Variants in PDZD8 observed in about 807,000 individuals in gnomAD.
PDZD8 encodes PDZ domain-containing protein 8.
PDZD8 carries 14 observed loss-of-function variants against 85.8 expected under a neutral mutation model. The observed-to-expected ratio is 0.16, with a 90% CI of 0.11 to 0.26. The LOEUF (loss-of-function observed/expected upper bound fraction) is 0.26. PDZD8 is among the 10% of genes least tolerant of loss of function. PDZD8 has a pLI of 1.00. For synonymous variants in PDZD8, 592 were observed against 568.6 expected (o/e 1.04, Z -0.59); for missense variants, 1,197 against 1,424.3 (o/e 0.84, Z 2.57).
rs540262539 is a variant in PDZD8, at chr10:117,285,207, T to C, written c.1526A>G (p.Asn509Ser). The C allele has an allele frequency of 5.3e-5, 85 of 1,614,234 alleles. No individual in the cohort carries two copies. In the South Asian group the frequency reaches 7.9e-4, roughly 15 times the overall value. Reference protein sequence around the residue: ...EDLASDVRAQNEFKDEAQSLS... With the variant: ...EDLASDVRAQSEFKDEAQSLS... ...TGATTGTGCCTCATCTTTGAACTCA[T>C]TTTGTGCTCTGACATCACTTGCCAA... Residue 509 changes from asparagine (N) to serine (S), a missense_variant, in exon 5 of 5, where the codon AAT (asparagine) becomes AGT (serine). Asn to Ser is a conservative substitution (Grantham distance 46). Transcript: ENST00000334464.
chr10:117,304,273 C>T (rs778516904), intron 3 of PDZD8, among the ~76,000 whole-genome samples: 6 of 152,138 alleles, frequency 3.9e-5, no homozygotes, highest in Admixed American at 1.3e-4. Flanking sequence ...TTCTGGATTT[C>T]GGACTTGTAT....
intron 2 of PDZD8, 22 bp downstream of exon 2, chr10:117,340,958 A>G (rs759514209): frequency 1.4e-5 from 22 of 1,613,224 alleles, no homozygotes; most frequent in Non-Finnish European, 1.8e-5. Flanking sequence ...GTAACTTAGT[A>G]ATGACAAAAC....
intron 2 of PDZD8, among the ~76,000 whole-genome samples, chr10:117,326,379 G>A (rs1212121953): frequency 6.6e-6 from 1 of 152,212 alleles, no homozygotes; most frequent in African/African-American, 2.4e-5. Flanking sequence ...TTAAAACAGT[G>A]AACCAGGACA....
chr10:117,364,483 A>G (rs1589595488), intron 1 of PDZD8, among the ~76,000 whole-genome samples: 1 of 152,046 alleles, frequency 6.6e-6, no homozygotes, highest in South Asian at 2.1e-4. Flanking sequence ...ACACACGCAC[A>G]CACACACACG....
chr10:117,372,577 T>C (rs923010172), intron 1 of PDZD8, among the ~76,000 whole-genome samples: 4 of 152,248 alleles, frequency 2.6e-5, no homozygotes, highest in Non-Finnish European at 5.9e-5. Context: ...ATGACTTTTT[T>C]GGCAACACAC....
Position 117,333,125 on chromosome 10 carries a change from A to AACAAAAAAC in PDZD8, c.995+7854_995+7855insGTTTTTTGT, listed in dbSNP as rs1300095435. Reference sequence around the variant, plus strand: ...CAGAGTGGACTCTGTCTCAAAAAAAAAAAAAAAAAAAAAAAAAAGGGGATA... The same window carrying AACAAAAAAC: ...CAGAGTGGACTCTGTCTCAAAAAAAAACAAAAAACAAAAAAAAAAAAAAAAAAGGGGATA... On this transcript the variant is annotated intron_variant, in intron 2 of 4. Coordinates refer to ENST00000334464, the MANE Select transcript of PDZD8 (RefSeq NM_173791.5). 2.9e-4 allele frequency among the ~76,000 whole-genome samples: 42 copies of AACAAAAAAC among 144,822 alleles called. 1 individual carries two copies. The highest frequency in any genetic ancestry group is 5.3e-4 in the Non-Finnish European group (35 of 66,158).
In PDZD8 at chr10:117,290,287, G is replaced by A; in HGVS notation, c.1160C>T (p.Thr387Ile). The change falls in exon 4 of 5, where the codon ACT becomes ATT. Residue 387 changes from threonine (T) to isoleucine (I), a missense_variant. Thr to Ile is a moderately conservative substitution (Grantham distance 89). Coordinates refer to ENST00000334464, the MANE Select transcript of PDZD8 (RefSeq NM_173791.5). ...VGLTLRLVQS[T>I]DGYAGHVIIE... ...GATGACGTGCCCAGCATACCCATCA[G>A]TTGACTGGACAAGACGAAGTGTAAG... is the stretch of plus-strand genomic sequence containing the variant. 2 of 1,613,750 alleles carry A rather than the reference G, an allele frequency of 1.2e-6. No homozygotes were observed. The highest frequency in any genetic ancestry group is 1.7e-6 in the Non-Finnish European group (2 of 1,179,714).
chr10:117,338,522 G>A (rs1261560471), intron 2 of PDZD8, among the ~76,000 whole-genome samples: 1 of 152,138 alleles, frequency 6.6e-6, no homozygotes, highest in African/African-American at 2.4e-5. Flanking sequence ...TTGACCAGGT[G>A]ATAAATAAAA....
rs1270756834 is a variant in PDZD8 at position 117,325,238 on chromosome 10, A to C, written c.996-6264T>G. 3.3e-5 allele frequency among the ~76,000 whole-genome samples: 5 copies of C among 151,948 alleles called. No homozygotes were observed. In the East Asian group the frequency reaches 9.7e-4, roughly 29 times the overall value. On this transcript the variant is annotated intron_variant, in intron 2 of 4. Transcript: ENST00000334464. ...TGTCACTTCCTGACAGGCCCAGGAA[A>C]CTCAGGATATTTTTGGGACCTCAGA...
chr10:117,295,164 C>T (rs575915094), intron 3 of PDZD8, among the ~76,000 whole-genome samples: 11 of 151,986 alleles, frequency 7.2e-5, no homozygotes, highest in African/African-American at 2.4e-4. Context: ...AAAAAACCCA[C>T]CACCACCAAC....
rs760857964 is a variant in PDZD8, at chr10:117,283,523, T to C, written c.3210A>G (p.Lys1070=). 4 of 1,614,228 alleles carry C rather than the reference T, an allele frequency of 2.5e-6. No individual in the cohort carries two copies. The highest frequency in any genetic ancestry group is 2.2e-5 in the East Asian group (1 of 44,894). The change falls in exon 5 of 5, where the codon AAA becomes AAG. Residue 1070 remains lysine (K), a synonymous_variant. Transcript: ENST00000334464. The part of the protein sequence containing the change: ...EEKETTDTRK[K]SLLSAALAKS... ...TAGCTAAGGCAGCAGAAAGAAGTGA[T>C]TTTTTCCTTGTATCAGTTGTCTCTT...
At position 117,283,321 on chromosome 10, in the gene PDZD8, G is replaced by A; in HGVS notation, c.3412C>T (p.Gln1138Ter). 6.2e-7 allele frequency: 1 copy of A among 1,613,972 alleles called. No homozygotes were observed. Among genetic ancestry groups the A allele is most frequent in the Non-Finnish European group, 8.5e-7 (1 of 1,179,972 alleles). ...DNEISQLIDS[Q>*]PFSSISDDLF... is the part of the protein sequence containing the mutation. The stretch of plus-strand genomic sequence containing the variant: ...TCATCTGATATGCTGCTGAATGGCT[G>A]AGAGTCTATTAGTTGGCTTATTTCA... Residue 1138 changes from glutamine to a stop codon, truncating the protein, a stop_gained, in exon 5 of 5, where the codon CAG (glutamine) becomes TAG (stop). Transcript: ENST00000334464. LOFTEE classifies it high-confidence loss of function.
Position 117,284,391 on chromosome 10 carries a change from T to A in PDZD8, c.2342A>T (p.Asn781Ile). Reference protein sequence around the residue: ...LRNLSMQKGFNDKFCYGDITI... With the variant: ...LRNLSMQKGFIDKFCYGDITI... ...AATGTCACCATAGCAAAATTTGTCA[T>A]TGAATCCCTTTTGCATACTCAGATT... The change falls in exon 5 of 5, where the codon AAT becomes ATT. Residue 781 changes from asparagine (N) to isoleucine (I), a missense_variant. Asn to Ile is a moderately radical substitution (Grantham distance 149). Around this residue, in one of 4 missense-constraint regions of PDZD8, gnomAD observed 418 missense variants for 571.1 expected, o/e 0.73. Transcript: ENST00000334464. The A allele has an allele frequency of 1.2e-6, 2 of 1,614,222 alleles. No homozygotes were observed. Among genetic ancestry groups the A allele is most frequent in the Non-Finnish European group, 1.7e-6 (2 of 1,180,028 alleles).
In PDZD8 at chr10:117,375,013, G is replaced by A. The variant is rs1274380328; in HGVS notation, c.215C>T (p.Ala72Val). 3 of 1,585,004 alleles carry A rather than the reference G, an allele frequency of 1.9e-6. No homozygotes were observed. Among genetic ancestry groups the A allele is most frequent in the Middle Eastern group, 1.7e-4 (1 of 5,816 alleles). ...GGGRDEEPSG[A>V]APEGGATPTA... ...GGGGGTCGCGCCGCCCTCAGGGGCCGCTCCGGAGGGCTCCTCATCCCGGCC... is the reference window on the plus strand; with the variant it reads ...GGGGGTCGCGCCGCCCTCAGGGGCCACTCCGGAGGGCTCCTCATCCCGGCC... Residue 72 changes from alanine to valine, a missense_variant, in exon 1 of 5, where the codon GCG becomes GTG. Physicochemically the swap from Ala to Val is moderately conservative, Grantham distance 64. Coordinates refer to ENST00000334464, the MANE Select transcript of PDZD8 (RefSeq NM_173791.5).
intron 1 of PDZD8, among the ~76,000 whole-genome samples, chr10:117,371,782 AT>A (rs869213466): frequency 5.3e-5 from 8 of 151,824 alleles, no homozygotes; most frequent in Admixed American, 3.3e-4. Context: ...TACAAAAAAA[AT>A]TTTTTTTTAA....
intron 1 of PDZD8, among the ~76,000 whole-genome samples, chr10:117,348,092 CTGTATAGCATATGAATTA>C (rs1256188339): frequency 6.6e-6 from 1 of 152,160 alleles, no homozygotes; most frequent in African/African-American, 2.4e-5. Flanking sequence ...AACAGGTGAA[CTGTATAGCATATGAATTA>C]TATTTCAATA....
chr10:117,318,221 T>A (rs960337689), intron 3 of PDZD8, among the ~76,000 whole-genome samples: 2 of 152,226 alleles, frequency 1.3e-5, no homozygotes, highest in Admixed American at 6.5e-5. Flanking sequence ...GTGTCATCTC[T>A]TTAGAGTCCT....
intron 2 of PDZD8, among the ~76,000 whole-genome samples, chr10:117,339,240 C>T (rs4752051): frequency 0.12 from 18,045 of 151,764 alleles, 1,342 homozygotes; most frequent in East Asian, 0.34. Context: ...AACCTGTGTG[C>T]TCAAGTACTT....
chr10:117,374,278 G>A lies in PDZD8; in HGVS notation c.872+78C>T. On this transcript the variant is annotated intron_variant, in intron 1 of 4. Transcript: ENST00000334464. This position sits in a 1 kb window ranked among gnomAD's most constrained non-coding sequence, Gnocchi z 7.8. ...GGCGCCAGGACAGAAATGAGCCTTT[G>A]CCCTTCCCAATCCACGCAGCGTCCC... is the stretch of plus-strand genomic sequence containing the variant. The A allele has an allele frequency of 1.9e-6, 3 of 1,566,726 alleles. No individual in the cohort carries two copies. The highest frequency in any genetic ancestry group is 2.0e-4 in the Middle Eastern group (1 of 5,056).
Sources: allele counts gnomAD v4.1 joint callset (sites outside exome capture counted in the v4.1 genomes callset), GRCh38; gene constraint gnomAD v4.1.1; regional missense constraint gnomAD v4.1.1; non-coding constraint Gnocchi (gnomAD v3.1); transcripts MANE v1.5; gene names NCBI Gene and HGNC (gene_info 2026-07-23, HGNC 2026-07-21).